Variants in IQCM observed in about 807,000 individuals in gnomAD.
IQCM encodes IQ domain-containing protein M.
In IQCM, 45 loss-of-function variants were observed where a neutral mutation model predicts 57.6. The observed-to-expected ratio is 0.78, with a 90% confidence interval of 0.62 to 1.00. The LOEUF is 1.00. IQCM is among the 50% of genes least tolerant of loss of function. The pLI is 0.00. For missense variants in IQCM, 468 were observed against 511.6 expected (o/e 0.91, Z 0.82); for synonymous variants, 148 against 158.9 (o/e 0.93, Z 0.51).
intron 2 of IQCM, among the ~76,000 whole-genome samples, chr4:149,772,026 A>C (rs368661248): frequency 6.6e-6 from 1 of 152,162 alleles, no homozygotes; most frequent in African/African-American, 2.4e-5. Context: ...TCCTGGCTGA[A>C]ATGATCAACA....
At chr4:149,654,815 T>C (rs1186770477) in intron 7 of IQCM, among the ~76,000 whole-genome samples, 1 of 152,214 alleles carries the variant, frequency 6.6e-6, no homozygotes, top group East Asian at 1.9e-4. Context: ...CAGTATGATT[T>C]AAGATATGCT....
intron 12 of IQCM, among the ~76,000 whole-genome samples, chr4:149,504,505 A>C (rs1199277440): frequency 2.0e-5 from 3 of 151,020 alleles, no homozygotes; most frequent in Non-Finnish European, 3.0e-5. Flanking sequence ...CCCCTGTGAC[A>C]AATTCATATG....
At chr4:149,482,347 G>GTCA (rs527476678) in intron 12 of IQCM, among the ~76,000 whole-genome samples, 5 of 151,918 alleles carry the variant, frequency 3.3e-5, no homozygotes, top group Non-Finnish European at 7.4e-5. Flanking sequence ...AGGCATCCTT[G>GTCA]TCATGTTCCA....
chr4:149,517,452 G>A (rs908083875), intron 12 of IQCM, among the ~76,000 whole-genome samples: 5 of 152,150 alleles, frequency 3.3e-5, no homozygotes, highest in African/African-American at 7.2e-5. Context: ...CCAGTTGTGC[G>A]AAGGAGAGTT....
At chr4:149,441,884 C>T (rs1018632585) in intron 12 of IQCM, among the ~76,000 whole-genome samples, 1 of 152,012 alleles carries the variant, frequency 6.6e-6, no homozygotes, top group African/African-American at 2.4e-5. Flanking sequence ...AGGGCACAGC[C>T]CTCATGGGTG....
intron 9 of IQCM, among the ~76,000 whole-genome samples, chr4:149,582,848 C>A (rs1456952481): frequency 6.7e-6 from 1 of 150,280 alleles, no homozygotes; most frequent in Admixed American, 6.7e-5. Flanking sequence ...CAGGAGAGAC[C>A]AAAGAAAAGT....
At chr4:149,642,674 C>T (rs946948389) in intron 7 of IQCM, among the ~76,000 whole-genome samples, 8 of 152,094 alleles carry the variant, frequency 5.3e-5, no homozygotes, top group African/African-American at 1.2e-4. Context: ...CGTTTTAGAA[C>T]ACTAGAATAC....
intron 5 of IQCM, among the ~76,000 whole-genome samples, chr4:149,719,809 C>A (rs1765299351): frequency 6.6e-6 from 1 of 152,180 alleles, no homozygotes; most frequent in African/African-American, 2.4e-5. Flanking sequence ...AAGCCCAAAG[C>A]TGACAGGTGA....
intron 2 of IQCM, among the ~76,000 whole-genome samples, chr4:149,762,789 C>T (rs1769659721): frequency 6.6e-6 from 1 of 152,060 alleles, no homozygotes; most frequent in Non-Finnish European, 1.5e-5. Context: ...ACCTCTATAA[C>T]ATTTAACAAA....
At chr4:149,472,305 C>A (rs1477184618) in intron 12 of IQCM, among the ~76,000 whole-genome samples, 1 of 152,124 alleles carries the variant, frequency 6.6e-6, no homozygotes, top group Non-Finnish European at 1.5e-5. Flanking sequence ...ACAAAAATCA[C>A]AAGCATTCCT....
intron 7 of IQCM, among the ~76,000 whole-genome samples, chr4:149,659,478 T>C (rs887583018): frequency 5.9e-5 from 9 of 152,112 alleles, no homozygotes; most frequent in South Asian, 2.1e-4. Flanking sequence ...TGGAAAAAAC[T>C]ACTTTAAGGA....
chr4:149,624,938 TTC>T (rs1409775058), intron 7 of IQCM, among the ~76,000 whole-genome samples: 2 of 152,204 alleles, frequency 1.3e-5, no homozygotes, highest in African/African-American at 4.8e-5. Flanking sequence ...GCCAAGCTCG[TTC>T]TGTTTCCCTT....
intron 12 of IQCM, among the ~76,000 whole-genome samples, chr4:149,520,431 A>G (rs776719195): frequency 7.9e-5 from 12 of 152,098 alleles, no homozygotes; most frequent in Non-Finnish European, 1.2e-4. Flanking sequence ...TTAATTCTCA[A>G]AATGTCCTAT....
At chr4:149,670,049 T>A (rs1019865172) in intron 7 of IQCM, among the ~76,000 whole-genome samples, 1 of 152,210 alleles carries the variant, frequency 6.6e-6, no homozygotes, top group African/African-American at 2.4e-5. Context: ...TGGCATTGAA[T>A]CTATAAATTA....
At chr4:149,360,461 T>G (rs1017268125) in intron 13 of IQCM, among the ~76,000 whole-genome samples, 3 of 152,150 alleles carry the variant, frequency 2.0e-5, no homozygotes, top group Non-Finnish European at 4.4e-5. Flanking sequence ...CAATTCTCTG[T>G]GTATACCAAG....
chr4:149,524,392 G>T (rs1274582727), intron 12 of IQCM, among the ~76,000 whole-genome samples: 1 of 152,204 alleles, frequency 6.6e-6, no homozygotes, highest in East Asian at 1.9e-4. Flanking sequence ...TGCACTGTAA[G>T]ATTTAAGACT....
At chr4:149,407,166 C>A (rs970747145) in intron 13 of IQCM, among the ~76,000 whole-genome samples, 2 of 152,100 alleles carry the variant, frequency 1.3e-5, no homozygotes, top group African/African-American at 4.8e-5. Flanking sequence ...TCAATTATCC[C>A]CCCCCAGGTC....
At chr4:149,714,730 C>T (rs1465548322) in intron 5 of IQCM, among the ~76,000 whole-genome samples, 1 of 152,206 alleles carries the variant, frequency 6.6e-6, no homozygotes, top group African/African-American at 2.4e-5. Flanking sequence ...CATCGCTACT[C>T]TTGCATTTTG....
At chr4:149,721,626 T>A (rs1765458019) in intron 5 of IQCM, among the ~76,000 whole-genome samples, 1 of 152,166 alleles carries the variant, frequency 6.6e-6, no homozygotes, top group Non-Finnish European at 1.5e-5. Context: ...CATTATTCTG[T>A]TCTTTTATAT....
Sources: gnomAD v4.1 joint callset for allele counts (sites outside exome capture counted in the v4.1 genomes callset) on GRCh38, gnomAD v4.1.1 for gene constraint, MANE v1.5 for transcripts, NCBI Gene and HGNC (gene_info 2026-07-23, HGNC 2026-07-21) for gene names.